Variants in ANKS1A observed in about 807,000 individuals in gnomAD.
ANKS1A encodes ankyrin repeat and SAM domain-containing protein 1A.
In ANKS1A, 55 loss-of-function variants were observed where a neutral mutation model predicts 120.3. The ratio of observed to expected loss-of-function variants is 0.46; its 90% CI spans 0.37 to 0.57. The LOEUF (loss-of-function observed/expected upper bound fraction) is 0.57, where lower values mean the gene tolerates loss of function less well. Among genes scored for constraint, ANKS1A ranks in the 20% least tolerant of loss-of-function variants. The pLI is 0.00. For synonymous variants in ANKS1A, 590 were observed against 604.7 expected (o/e 0.98, Z 0.36); for missense variants, 1,123 against 1,480.3 (o/e 0.76, Z 3.96).
chr6:35,065,278 C>G (rs1412529817), intron 13 of ANKS1A, among the ~76,000 whole-genome samples: 1 of 152,140 alleles, frequency 6.6e-6, no homozygotes, highest in African/African-American at 2.4e-5. Context: ...ACTCAGGAGC[C>G]CTCCTCTGAC....
At position 35,010,718 on chromosome 6, in the gene ANKS1A, G is replaced by A. The variant is rs573530736; in HGVS notation, c.1424-6755G>A. 2.6e-4 allele frequency among the ~76,000 whole-genome samples: 39 copies of A among 152,276 alleles called. No individual in the cohort carries two copies. In the Middle Eastern group the frequency reaches 0.01, roughly 40 times the overall value. ...AGAAAAAGGGTTAGGCAGTTAGAAG[G>A]CCATTGGTAAAGCCTAAATGGGGTC... On this transcript the variant is annotated intron_variant, in intron 10 of 23. Coordinates refer to ENST00000360359, the MANE Select transcript of ANKS1A (RefSeq NM_015245.3).
chr6:34,991,751 CACACAT>C (rs1772575578), intron 9 of ANKS1A, among the ~76,000 whole-genome samples: 6 of 28,044 alleles, frequency 2.1e-4, no homozygotes, highest in African/African-American at 3.6e-4. Context: ...TACATATATA[CACACAT>C]ATATATATAC....
Position 35,041,974 on chromosome 6 carries a change from A to G in ANKS1A, c.2011-12125A>G, listed in dbSNP as rs73403833. On this transcript the variant is annotated intron_variant, in intron 11 of 23. Coordinates refer to ENST00000360359, the MANE Select transcript of ANKS1A (RefSeq NM_015245.3). ...CTGACATAGATGGTAGGTTAAAGAA[A>G]AGCCAGAGGATAATAACATTTAATT... Among the ~76,000 whole-genome samples the G allele has an allele frequency of 4.7e-3, 716 of 152,320 alleles. 9 individuals are homozygous for G. The highest frequency in any genetic ancestry group is 0.016 in the African/African-American group (673 of 41,582).
At chr6:34,994,575 CT>C (rs1172132130) in intron 10 of ANKS1A, among the ~76,000 whole-genome samples, 153 bp downstream of exon 10, 1 of 152,154 alleles carries the variant, frequency 6.6e-6, no homozygotes, top group Non-Finnish European at 1.5e-5. Context: ...TCCATTATGG[CT>C]TTTCATTTCC....
At chr6:34,951,085 T>C (rs576935608) in intron 1 of ANKS1A, among the ~76,000 whole-genome samples, 1 of 152,306 alleles carries the variant, frequency 6.6e-6, no homozygotes, top group East Asian at 1.9e-4. Flanking sequence ...AGAAATGAGA[T>C]CATACTGTAC....
intron 10 of ANKS1A, among the ~76,000 whole-genome samples, chr6:34,997,505 G>A (rs1772918648): frequency 6.6e-6 from 1 of 152,122 alleles, no homozygotes; most frequent in Admixed American, 6.5e-5. Flanking sequence ...CATATTGGTA[G>A]ATTTTTAATT....
At chr6:35,051,477 C>G (rs147470854) in intron 11 of ANKS1A, among the ~76,000 whole-genome samples, 25 of 152,304 alleles carry the variant, frequency 1.6e-4, no homozygotes, top group African/African-American at 5.8e-4. Flanking sequence ...CCTGGAGTCA[C>G]CCCACCATTT....
At chr6:35,053,574 G>A (rs146859228) in intron 11 of ANKS1A, among the ~76,000 whole-genome samples, 1 of 152,320 alleles carries the variant, frequency 6.6e-6, no homozygotes, top group African/African-American at 2.4e-5. Flanking sequence ...GTATGCAGGC[G>A]CTCTAGAAAT....
chr6:35,070,017 ACT>A (rs976008802), intron 13 of ANKS1A, among the ~76,000 whole-genome samples: 4 of 93,198 alleles, frequency 4.3e-5, no homozygotes, highest in African/African-American at 1.6e-4. Context: ...ACAGAGCAAG[ACT>A]CTGTCAAAAA....
Position 34,982,070 on chromosome 6 carries a change from G to A in ANKS1A, c.732+84G>A. 1.3e-6 allele frequency: 2 copies of A among 1,503,494 alleles called. No homozygotes were observed. Among genetic ancestry groups the A allele is most frequent in the Non-Finnish European group, 1.8e-6 (2 of 1,115,996 alleles). 93.1% of individuals were successfully genotyped at this position (1,503,494 alleles called of 1,614,324 possible). ...CACAAGGACCATGCTGCTGGGCTGT[G>A]CTCTTTATTTAGCACGTTTCACATC... On this transcript the variant is annotated intron_variant, in intron 4 of 23. Transcript: ENST00000360359. This position sits in a 1 kb window ranked among gnomAD's most constrained non-coding sequence, Gnocchi z 4.9.
At position 35,088,872 on chromosome 6, in the gene ANKS1A, A is replaced by G. The variant is rs955595702; in HGVS notation, c.*263A>G. 1.4e-6 allele frequency: 2 copies of G among 1,422,092 alleles called. No homozygotes were observed. Among genetic ancestry groups the G allele is most frequent in the South Asian group, 1.6e-5 (1 of 64,508 alleles). The allele number at this position is 1,422,092 out of a possible 1,614,324, so 88.1% of individuals were successfully genotyped here. A position where few individuals can be genotyped will look rare whatever the true frequency, so the allele number is the denominator to read the frequency against. ...GGTCAAGAAGTGACTTGTTCAGAAC[A>G]CATTGTTTTTAACAGAAAAAAAATC... is the stretch of plus-strand genomic sequence containing the variant. On this transcript the variant is annotated 3_prime_UTR_variant, in exon 24 of 24. Transcript: ENST00000360359.
chr6:35,037,137 C>T (rs989378643), intron 11 of ANKS1A, among the ~76,000 whole-genome samples: 12 of 152,322 alleles, frequency 7.9e-5, no homozygotes, highest in South Asian at 4.1e-4. Context: ...TGGTAGTTCT[C>T]GTGCCATTGG....
chr6:35,040,496 A>G (rs1775402077), intron 11 of ANKS1A, among the ~76,000 whole-genome samples: 1 of 152,200 alleles, frequency 6.6e-6, no homozygotes, highest in Admixed American at 6.5e-5. Flanking sequence ...GAGGAGTTTG[A>G]GATTTTGAAC....
chr6:35,083,385 G>A, intron 19 of ANKS1A, 32 bp from the exon 20 acceptor site: 1 of 1,607,306 alleles, frequency 6.2e-7, no homozygotes, highest in Non-Finnish European at 8.5e-7. Context: ...CTGAGAAGGG[G>A]CACTGACAGG....
At chr6:35,039,911 C>T (rs2127576538) in intron 11 of ANKS1A, among the ~76,000 whole-genome samples, 1 of 152,314 alleles carries the variant, frequency 6.6e-6, no homozygotes, top group East Asian at 1.9e-4. Context: ...GCCAGCATGG[C>T]CCCTGACAAG....
chr6:35,029,618 G>A (rs1774800350), intron 11 of ANKS1A, among the ~76,000 whole-genome samples: 2 of 151,350 alleles, frequency 1.3e-5, no homozygotes, highest in Admixed American at 1.3e-4. Context: ...CCAAATTGCT[G>A]GGATTACAGG....
At chr6:35,020,596 C>T (rs868840674) in intron 11 of ANKS1A, among the ~76,000 whole-genome samples, 4 of 152,202 alleles carry the variant, frequency 2.6e-5, no homozygotes, top group Non-Finnish European at 5.9e-5. Flanking sequence ...GAGAGGTCAG[C>T]AGTGCTGGGC....
rs540070259 is a variant in ANKS1A at position 34,941,311 on chromosome 6, AT to A, written c.198-25921del. ...AACAATTTTATGTATTTATTTTTAG[AT>A]TTTTTTCCATGCTTATACAAATATA... On this transcript the variant is annotated intron_variant, in intron 1 of 23. Coordinates refer to ENST00000360359, the MANE Select transcript of ANKS1A (RefSeq NM_015245.3). Among the ~76,000 whole-genome samples the A allele has an allele frequency of 3.2e-3, 491 of 151,878 alleles. 6 individuals carry two copies. The highest frequency in any genetic ancestry group is 0.011 in the African/African-American group (446 of 41,424).
Position 35,017,513 on chromosome 6 carries a change from G to A in ANKS1A, c.1464G>A (p.Ala488=), listed in dbSNP as rs534984610. ...GCAGCAGCCGGAGCCAGGACTCTGC[G>A]GAGGGGCAGGACGGGCAGGTCCCAG... The part of the protein sequence containing the change: ...RSSSSRSQDS[A]EGQDGQVPEQ... Residue 488 remains alanine (A), a synonymous_variant, in exon 11 of 24, where the codon GCG becomes GCA. Coordinates refer to ENST00000360359, the MANE Select transcript of ANKS1A (RefSeq NM_015245.3). 43 of 1,613,754 alleles carry A rather than the reference G, an allele frequency of 2.7e-5. No individual in the cohort carries two copies. Among genetic ancestry groups the A allele is most frequent in the Middle Eastern group, 1.6e-4 (1 of 6,062 alleles).
Sources: allele counts gnomAD v4.1 joint callset (sites outside exome capture counted in the v4.1 genomes callset), GRCh38; gene constraint gnomAD v4.1.1; non-coding constraint Gnocchi (gnomAD v3.1); transcripts MANE v1.5; gene names NCBI Gene and HGNC (gene_info 2026-07-23, HGNC 2026-07-21).